SAMD12: variants seen among roughly 807,000 people sequenced by gnomAD.
SAMD12 encodes the protein sterile alpha motif domain-containing protein 12.
Under a neutral mutation model 15.0 loss-of-function variants are expected in SAMD12, and 9 were observed. The observed-to-expected ratio is 0.60, with a 90% CI of 0.36 to 1.05. SAMD12 has a LOEUF of 1.05. Ranked by LOEUF, SAMD12 falls within the 50% of genes least tolerant of loss-of-function variation. The pLI, the probability that SAMD12 is intolerant of heterozygous loss-of-function variation, is 0.01. For missense variants in SAMD12, 230 were observed against 234.2 expected (o/e 0.98, Z 0.12); for synonymous variants, 86 against 90.1 (o/e 0.96, Z 0.25).
chr8:118,486,667 T>A (rs1824295567), intron 2 of SAMD12, among the ~76,000 whole-genome samples: 1 of 152,028 alleles, frequency 6.6e-6, no homozygotes, highest in African/African-American at 2.4e-5. Flanking sequence ...AGAACTATAA[T>A]ATAAGAAATC....
intron 4 of SAMD12, among the ~76,000 whole-genome samples, chr8:118,258,807 A>G (rs1813011850): frequency 6.6e-6 from 1 of 152,134 alleles, no homozygotes; most frequent in South Asian, 2.1e-4. Context: ...CATTAATAGT[A>G]ATCGCAGTGA....
At chr8:118,159,812 T>A in the SAMD12 span, among the ~76,000 whole-genome samples, 1 of 151,316 alleles carries the variant, frequency 6.6e-6, no homozygotes, top group Non-Finnish European at 1.5e-5. Flanking sequence ...ACCTCCCCTC[T>A]GGGTTCAAGC....
intron 2 of SAMD12, among the ~76,000 whole-genome samples, chr8:118,470,006 T>C (rs1823746529): frequency 6.6e-6 from 1 of 152,152 alleles, no homozygotes; most frequent in Non-Finnish European, 1.5e-5. Flanking sequence ...CGCACATACA[T>C]ATATATGTAT....
downstream of SAMD12, among the ~76,000 whole-genome samples, chr8:118,377,811 C>T (rs1333259995): frequency 2.6e-5 from 4 of 152,134 alleles, no homozygotes; most frequent in African/African-American, 9.7e-5. Context: ...TATAGATCAT[C>T]ACCAGAGGGA....
At chr8:118,382,373 G>A (rs919126631) in intron 3 of SAMD12, among the ~76,000 whole-genome samples, 2 of 152,176 alleles carry the variant, frequency 1.3e-5, no homozygotes, top group African/African-American at 4.8e-5. Context: ...GCATCAGAGC[G>A]AGGGTTTTGT....
At chr8:118,529,649 T>C (rs1010275720) in intron 2 of SAMD12, among the ~76,000 whole-genome samples, 1 of 152,230 alleles carries the variant, frequency 6.6e-6, no homozygotes, top group African/African-American at 2.4e-5. Flanking sequence ...ATGCAGTGTT[T>C]TGACTTTGTT....
intron 4 of SAMD12, chr8:118,295,805 ATCATGTTAATTTTTTC>A (rs1814678506): frequency 6.6e-6 from 1 of 152,048 alleles, no homozygotes; most frequent in African/African-American, 2.4e-5. Context: ...GTGTTACCCA[ATCATGTTAATTTTTTC>A]TTTTGTAGAG....
the SAMD12 span, among the ~76,000 whole-genome samples, chr8:118,148,828 T>C: frequency 2.0e-5 from 3 of 152,252 alleles, no homozygotes; most frequent in Non-Finnish European, 1.5e-5. Context: ...ATAATGTTTT[T>C]GAGCTTTACC....
chr8:118,133,376 G>T, the SAMD12 span, among the ~76,000 whole-genome samples: 1 of 151,528 alleles, frequency 6.6e-6, no homozygotes. Context: ...GGATACATGT[G>T]CAGGATGTGC....
chr8:118,199,791 A>G (rs933796446), intron 4 of SAMD12, among the ~76,000 whole-genome samples: 4 of 152,208 alleles, frequency 2.6e-5, no homozygotes, highest in African/African-American at 4.8e-5. Context: ...TCTTCTCAGG[A>G]CATGTAGAAT....
At chr8:118,471,192 T>G (rs780278630) in intron 2 of SAMD12, among the ~76,000 whole-genome samples, 3 of 152,012 alleles carry the variant, frequency 2.0e-5, no homozygotes, top group Non-Finnish European at 2.9e-5. Flanking sequence ...ATTTTTTTTT[T>G]CATGTTTTAA....
chr8:118,132,915 A>G, the SAMD12 span, among the ~76,000 whole-genome samples: 82 of 141,742 alleles, frequency 5.8e-4, no homozygotes, highest in African/African-American at 2.0e-3. Context: ...TGGTGAGAGA[A>G]TATTTATTCT....
chr8:118,259,227 G>A (rs1313255191), intron 4 of SAMD12, among the ~76,000 whole-genome samples: 1 of 152,076 alleles, frequency 6.6e-6, no homozygotes, highest in Non-Finnish European at 1.5e-5. Context: ...CAATCCAGGA[G>A]CCTATGTCTA....
At chr8:118,297,748 T>C (rs28370866) in intron 4 of SAMD12, among the ~76,000 whole-genome samples, 4,951 of 152,276 alleles carry the variant, frequency 0.033, 281 homozygotes, top group African/African-American at 0.11. Flanking sequence ...TTCTCTAAAA[T>C]GTTCACATAC....
the SAMD12 span, among the ~76,000 whole-genome samples, chr8:118,170,304 A>T: frequency 6.6e-6 from 1 of 152,178 alleles, no homozygotes; most frequent in Non-Finnish European, 1.5e-5. Context: ...TAGATATATT[A>T]GTTTAATATT....
At chr8:118,177,027 T>C in the SAMD12 span, among the ~76,000 whole-genome samples, 1 of 152,270 alleles carries the variant, frequency 6.6e-6, no homozygotes, top group East Asian at 1.9e-4. Context: ...GGTGATGCAG[T>C]GCATAAGCCT....
chr8:118,157,435 G>C, the SAMD12 span, among the ~76,000 whole-genome samples: 2 of 152,214 alleles, frequency 1.3e-5, no homozygotes, highest in Admixed American at 6.5e-5. Flanking sequence ...GAATGGAATT[G>C]GTGAAGTGGG....
intron 2 of SAMD12, among the ~76,000 whole-genome samples, chr8:118,545,635 GAATCTTGAT>G (rs1167554517): frequency 1.3e-5 from 2 of 152,152 alleles, no homozygotes. Context: ...ATACTTCAAT[GAATCTTGAT>G]GAACCCAAGA....
chr8:118,548,050 C>A (rs983123030), intron 2 of SAMD12, among the ~76,000 whole-genome samples: 2 of 152,018 alleles, frequency 1.3e-5, no homozygotes, highest in African/African-American at 4.8e-5. Context: ...GAAACCACAG[C>A]CCAGGAGGAC....
Sources: allele counts gnomAD v4.1 joint callset (sites outside exome capture counted in the v4.1 genomes callset), GRCh38; gene constraint gnomAD v4.1.1; transcripts MANE v1.5; gene names NCBI Gene and HGNC (gene_info 2026-07-23, HGNC 2026-07-21).